The following CYTH3 variants were observed in gnomAD, a reference collection of about 807,000 sequenced individuals.
CYTH3 encodes the protein cytohesin 3, also known as cytohesin-3.
In CYTH3, 23 loss-of-function variants were observed where a neutral mutation model predicts 55.1. That is an observed-to-expected ratio of 0.42 (90% CI 0.30 to 0.59). The LOEUF (loss-of-function observed/expected upper bound fraction) is 0.59. Among genes scored for constraint, CYTH3 ranks in the 20% least tolerant of loss-of-function variants. The pLI, the probability that CYTH3 is intolerant of heterozygous loss-of-function variation, is 0.20. For synonymous variants in CYTH3, 249 were observed against 194.9 expected, an observed-to-expected ratio of 1.28 and a Z score of -2.31; for missense variants, 413 against 524.8, an observed-to-expected ratio of 0.79 and a Z score of 2.08.
chr7:6,272,434 C>A, intron 1 of CYTH3, 40 bp downstream of exon 1: 1 of 1,334,726 alleles, frequency 7.5e-7, no homozygotes, highest in Non-Finnish European at 9.7e-7. Context: ...GGCCCCCGAC[C>A]CCAGGCCGCC....
At chr7:6,207,722 G>A (rs914564546) in intron 1 of CYTH3, among the ~76,000 whole-genome samples, 5 of 152,036 alleles carry the variant, frequency 3.3e-5, no homozygotes, top group African/African-American at 1.2e-4. Flanking sequence ...GGTCGAGGCA[G>A]GCAGACTGCT....
rs71549612 is a variant in CYTH3, at chr7:6,216,861, G to GAAA, written c.35-26333_35-26331dup. Among the ~76,000 whole-genome samples the GAAA allele has an allele frequency of 8.4e-3, 801 of 95,640 alleles. 9 individuals are homozygous for GAAA. Among genetic ancestry groups the GAAA allele is most frequent in the African/African-American group, 0.025 (745 of 29,700 alleles). The allele number at this position is 95,640 out of a possible 152,430, so 62.7% of individuals were successfully genotyped here. A position where few individuals can be genotyped will look rare whatever the true frequency, so the allele number is the denominator to read the frequency against. On this transcript the variant is annotated intron_variant, in intron 1 of 12. Transcript: ENST00000350796. Reference sequence around the variant, plus strand: ...AAAAAGAAAACAAAAAGCTGAACAGGAAAAAAAAAAAAAAAAGAAATGGCA... The same window carrying GAAA: ...AAAAAGAAAACAAAAAGCTGAACAGGAAAAAAAAAAAAAAAAAAAGAAATGGCA...
intron 1 of CYTH3, among the ~76,000 whole-genome samples, chr7:6,245,101 G>A (rs916855875): frequency 6.7e-6 from 1 of 149,108 alleles, no homozygotes; most frequent in African/African-American, 2.5e-5. Context: ...TTACAGGCAT[G>A]AGCCACCGCG....
rs190702653 is a variant in CYTH3, at chr7:6,167,086, C to T, written c.824-1276G>A. 7.2e-5 allele frequency among the ~76,000 whole-genome samples: 11 copies of T among 152,336 alleles called. No homozygotes were observed. The highest frequency in any genetic ancestry group is 5.9e-4 in the Admixed American group (9 of 15,306). Reference sequence around the variant, plus strand: ...CTGCTCCGTCACTGGAACCCTCTGCCCCAACTGTGGCACCGCCTCACTGGT... The same window carrying T: ...CTGCTCCGTCACTGGAACCCTCTGCTCCAACTGTGGCACCGCCTCACTGGT... On this transcript the variant is annotated intron_variant, in intron 9 of 12. Coordinates refer to ENST00000350796, the MANE Select transcript of CYTH3 (RefSeq NM_004227.4). The surrounding 1 kb of genome is among the most constrained non-coding windows in gnomAD (Gnocchi z 5.5).
chr7:6,165,555 G>A lies in CYTH3; in HGVS notation c.962C>T (p.Pro321Leu). Residue 321 changes from proline (P) to leucine (L), a missense_variant, in exon 11 of 13, where the codon CCC becomes CTC. Transcript: ENST00000350796. The part of the protein sequence containing the change: ...ENLSIREVED[P>L]RKPNCFELYN... The stretch of plus-strand genomic sequence containing the variant: ...GGAGGAAGAGCTTACGGGTTTCCGG[G>A]GGTCCTCCACCTCCCTGATGCTGAG... The A allele has an allele frequency of 2.5e-6, 4 of 1,614,010 alleles. No homozygotes were observed. The highest frequency in any genetic ancestry group is 3.4e-6 in the Non-Finnish European group (4 of 1,179,926).
intron 1 of CYTH3, among the ~76,000 whole-genome samples, chr7:6,232,511 C>T (rs1779412088): frequency 6.6e-6 from 1 of 152,204 alleles, no homozygotes; most frequent in African/African-American, 2.4e-5. Flanking sequence ...CCTGGTTCTC[C>T]CTGCAGCCTC....
rs767853400 is a variant in CYTH3, at chr7:6,170,931, G to A, written c.610C>T (p.Leu204Phe). The A allele has an allele frequency of 6.2e-7, 1 of 1,614,058 alleles. No individual in the cohort carries two copies. Among genetic ancestry groups the A allele is most frequent in the Admixed American group, 1.7e-5 (1 of 60,026 alleles). ...SFAIIMLNTS[L>F]HNHNVRDKPT... ...TTGTCACGCACGTTGTGGTTGTGGA[G>A]GCTGGTGTTGAGCATGATGATGGCG... The change falls in exon 8 of 13, where the codon CTC (leucine) becomes TTC (phenylalanine). Residue 204 changes from leucine (L) to phenylalanine (F), a missense_variant. This residue lies in a region of CYTH3 where 156 missense variants were observed against 233.1 expected (regional missense o/e 0.67). Transcript: ENST00000350796. This position sits in a 1 kb window ranked among gnomAD's most constrained non-coding sequence, Gnocchi z 7.8.
intron 1 of CYTH3, among the ~76,000 whole-genome samples, chr7:6,223,956 A>G (rs1244429530): frequency 1.3e-5 from 2 of 151,888 alleles, no homozygotes; most frequent in African/African-American, 4.8e-5. Flanking sequence ...ATACAACCCT[A>G]TGAATGATGC....
Position 6,170,817 on chromosome 7 carries a change from C to T in CYTH3, c.711+13G>A, listed in dbSNP as rs892740102. The T allele has an allele frequency of 1.6e-5, 25 of 1,605,984 alleles. No individual in the cohort carries two copies. Among genetic ancestry groups the T allele is most frequent in the Non-Finnish European group, 2.0e-5 (23 of 1,176,162 alleles). Reference sequence around the variant, plus strand: ...TCCTGCAGACGGCAGCGGCCGCGGGCCGGGGAGCTCACCCTCAGCAGCTCC... The same window carrying T: ...TCCTGCAGACGGCAGCGGCCGCGGGTCGGGGAGCTCACCCTCAGCAGCTCC... On this transcript the variant is annotated intron_variant, in intron 8 of 12. Coordinates refer to ENST00000350796, the MANE Select transcript of CYTH3 (RefSeq NM_004227.4). The surrounding 1 kb of genome is among the most constrained non-coding windows in gnomAD (Gnocchi z 7.8).
chr7:6,199,246 T>C (rs1784006349), intron 1 of CYTH3, among the ~76,000 whole-genome samples: 1 of 152,218 alleles, frequency 6.6e-6, no homozygotes, highest in Non-Finnish European at 1.5e-5. Context: ...TTGAGGTCTA[T>C]ATTTTAGGTT....
chr7:6,165,413 G>C lies in CYTH3; in HGVS notation c.987C>G (p.Leu329=), dbSNP rs1782966959. The change falls in exon 12 of 13, where the codon CTC becomes CTG. Residue 329 remains leucine, a synonymous_variant. Coordinates refer to ENST00000350796, the MANE Select transcript of CYTH3 (RefSeq NM_004227.4). Reference sequence around the variant, plus strand: ...CCTGCCCTTTGTGGCTGGGATTGTAGAGCTCAAAACAGTTCTGGTGGAGAA... The same window carrying C: ...CCTGCCCTTTGTGGCTGGGATTGTACAGCTCAAAACAGTTCTGGTGGAGAA... ...EDPRKPNCFE[L]YNPSHKGQVI... 1 of 1,613,616 alleles carries C rather than the reference G, an allele frequency of 6.2e-7. No individual in the cohort carries two copies. Among genetic ancestry groups the C allele is most frequent in the African/African-American group, 1.3e-5 (1 of 74,938 alleles).
At chr7:6,223,145 G>T (rs556556975) in intron 1 of CYTH3, among the ~76,000 whole-genome samples, 1 of 152,104 alleles carries the variant, frequency 6.6e-6, no homozygotes, top group Non-Finnish European at 1.5e-5. Context: ...GAGCGCCTCT[G>T]CCCGGCCGCC....
rs1491219669 is a variant in CYTH3, at chr7:6,259,772, T to TATATAATATATATATATATAA, written c.34+12701_34+12702insTTATATATATATATATTATAT. ...TATATATATATTATATATATATATA[T>TATATAATATATATATATATAA]TATATATATATAATATATATATATA... On this transcript the variant is annotated intron_variant, in intron 1 of 12. Transcript: ENST00000350796. 1.6e-4 allele frequency among the ~76,000 whole-genome samples: 5 copies of TATATAATATATATATATATAA among 30,500 alleles called. No homozygotes were observed. The East Asian group carries it at 3.8e-3, about 23-fold the overall frequency. 20.0% of individuals were successfully genotyped at this position (30,500 alleles called of 152,430 possible). A position where few individuals can be genotyped will look rare whatever the true frequency, so the allele number is the denominator to read the frequency against.
intron 4 of CYTH3, among the ~76,000 whole-genome samples, chr7:6,182,884 G>A (rs1783544841): frequency 6.6e-6 from 1 of 152,166 alleles, no homozygotes; most frequent in South Asian, 2.1e-4. Flanking sequence ...CTTTCATGGT[G>A]CTGGTTTCCT....
chr7:6,227,983 C>A (rs12533398), intron 1 of CYTH3, among the ~76,000 whole-genome samples: 8,498 of 152,238 alleles, frequency 0.056, 544 homozygotes, highest in East Asian at 0.29. Context: ...ATTTCAACAA[C>A]AACGAGATAA....
rs74482226 is a variant in CYTH3 at position 6,193,613 on chromosome 7, C to A, written c.35-3082G>T. On this transcript the variant is annotated intron_variant, in intron 1 of 12. Transcript: ENST00000350796. ...CCTAATTTACGTGAGAGAATCCCCA[C>A]AAGGCTTAGGCTCTGGCTTCACTAC... Among the ~76,000 whole-genome samples the A allele has an allele frequency of 9.2e-3, 1,396 of 152,302 alleles. 30 individuals are homozygous for A. Among genetic ancestry groups the A allele is most frequent in the East Asian group, 0.086 (448 of 5,190 alleles).
intron 1 of CYTH3, among the ~76,000 whole-genome samples, chr7:6,226,984 G>A (rs1779272097): frequency 6.6e-6 from 1 of 152,058 alleles, no homozygotes; most frequent in South Asian, 2.1e-4. Context: ...GGAGGCTGAG[G>A]CAGAAGAACG....
intron 1 of CYTH3, among the ~76,000 whole-genome samples, chr7:6,256,328 C>T (rs1030429364): frequency 6.6e-6 from 1 of 152,228 alleles, no homozygotes; most frequent in Non-Finnish European, 1.5e-5. Context: ...TTGTGGAACT[C>T]CCAGGCAGGC....
Position 6,163,579 on chromosome 7 carries a change from G to A in CYTH3, c.*1365C>T, listed in dbSNP as rs897394018. 1.3e-5 allele frequency: 2 copies of A among 152,280 alleles called. No individual in the cohort carries two copies. The highest frequency in any genetic ancestry group is 2.9e-5 in the Non-Finnish European group (2 of 68,094). 9.4% of individuals were successfully genotyped at this position (152,280 alleles called of 1,614,324 possible). A position where few individuals can be genotyped will look rare whatever the true frequency, so the allele number is the denominator to read the frequency against. On this transcript the variant is annotated 3_prime_UTR_variant, in exon 13 of 13. Transcript: ENST00000350796. ...GGGGCCCAGATCCAGCCTTCCTTGA[G>A]CGGAGCACTGGGCACCTCCTATCCT...
Sources: gnomAD v4.1 joint callset for allele counts (sites outside exome capture counted in the v4.1 genomes callset) on GRCh38, gnomAD v4.1.1 for gene constraint, gnomAD v4.1.1 regional missense constraint, Gnocchi (gnomAD v3.1) non-coding constraint, MANE v1.5 for transcripts, NCBI Gene and HGNC (gene_info 2026-07-23, HGNC 2026-07-21) for gene names.